The following ACOT1 variants were observed in gnomAD, a reference collection of about 807,000 sequenced individuals.
The protein encoded by ACOT1 is acyl-coenzyme A thioesterase 1.
ACOT1 carries 8 observed loss-of-function variants against 15.7 expected under a neutral mutation model. The ratio of observed to expected loss-of-function variants is 0.51; its 90% CI spans 0.30 to 0.92. ACOT1 has a LOEUF of 0.92. ACOT1 is among the 40% of genes least tolerant of loss of function. The pLI is 0.06. For missense variants in ACOT1, 151 were observed against 539.4 expected, an observed-to-expected ratio of 0.28 and a Z score of 7.13; for synonymous variants, 67 against 241.2, an observed-to-expected ratio of 0.28 and a Z score of 6.69.
At chr14:73,509,441 G>A in the ACOT1 span, 1 of 1,614,096 alleles carries the variant, frequency 6.2e-7, no homozygotes, top group Non-Finnish European at 8.5e-7. Flanking sequence ...AGGGCAGGCA[G>A]TAGAACCTCC....
the ACOT1 span, chr14:73,528,998 T>C: frequency 6.6e-6 from 1 of 152,132 alleles, no homozygotes; most frequent in African/African-American, 2.4e-5. Context: ...TTCCAACAAA[T>C]AGCCCTCTAG....
the ACOT1 span, chr14:73,522,682 G>C: frequency 6.2e-7 from 1 of 1,614,248 alleles, no homozygotes. Context: ...GTGCTTCCCG[G>C]ACGGTGCTGG....
chr14:73,537,928 C>T, intron 1 of ACOT1, 50 bp downstream of exon 1: 1 of 1,136,608 alleles, frequency 8.8e-7, no homozygotes, highest in South Asian at 1.7e-5. Context: ...TGTTCCTGCG[C>T]TTTCCACTGT....
chr14:73,511,556 TAAATA>T, the ACOT1 span, among the ~76,000 whole-genome samples: 1 of 98,028 alleles, frequency 1.0e-5, no homozygotes, highest in Non-Finnish European at 2.3e-5. Context: ...AATAAATAAA[TAAATA>T]AATAAAATAA....
rs1213214962 is a variant in ACOT1, at chr14:73,542,284, C to T, written c.660+589C>T. ...GAGTGCTGGAATTACAGGCATGAGC[C>T]ACCACACCTGGCCTCTTATAGACAG... On this transcript the variant is annotated intron_variant, in intron 2 of 2. Transcript: ENST00000311148. Among the ~76,000 whole-genome samples, 2 of 111,136 alleles carry T rather than the reference C, an allele frequency of 1.8e-5. 1 individual carries two copies. Among genetic ancestry groups the T allele is most frequent in the Non-Finnish European group, 3.8e-5 (2 of 52,000 alleles). 72.9% of individuals were successfully genotyped at this position (111,136 alleles called of 152,430 possible). A position where few individuals can be genotyped will look rare whatever the true frequency, so the allele number is the denominator to read the frequency against.
chr14:73,523,721 C>T, the ACOT1 span, among the ~76,000 whole-genome samples: 4 of 152,262 alleles, frequency 2.6e-5, no homozygotes, highest in Admixed American at 1.3e-4. Flanking sequence ...AATGGCCTTT[C>T]GTACTTGACA....
chr14:73,500,186 C>T, the ACOT1 span, among the ~76,000 whole-genome samples: 2 of 151,848 alleles, frequency 1.3e-5, no homozygotes, highest in African/African-American at 2.4e-5. Flanking sequence ...GCCGAGATGG[C>T]GCCACTGCAC....
chr14:73,511,255 G>A, the ACOT1 span, among the ~76,000 whole-genome samples: 22 of 152,248 alleles, frequency 1.4e-4, no homozygotes, highest in Admixed American at 1.3e-3. Flanking sequence ...GCTCATGCCT[G>A]TAATCCCAGC....
the ACOT1 span, chr14:73,522,981 G>A: frequency 8.1e-6 from 13 of 1,614,124 alleles, no homozygotes; most frequent in Non-Finnish European, 1.0e-5. Flanking sequence ...CTCTTGCGGT[G>A]TAGACGGTAC....
the ACOT1 span, chr14:73,522,383 T>G: frequency 6.2e-7 from 1 of 1,614,242 alleles, no homozygotes; most frequent in Non-Finnish European, 8.5e-7. Flanking sequence ...TTTCAGGAGC[T>G]CCAGGTCACT....
At chr14:73,491,561 G>T in the ACOT1 span, 2 of 1,540,004 alleles carry the variant, frequency 1.3e-6, no homozygotes, top group Non-Finnish European at 8.7e-7. Context: ...GCCGGCCTGG[G>T]ACTCCCCGCT....
the ACOT1 span, chr14:73,518,968 A>T: frequency 6.4e-7 from 1 of 1,552,996 alleles, no homozygotes; most frequent in Non-Finnish European, 8.7e-7. Context: ...TAATGATGGG[A>T]AGTAGCCACA....
At chr14:73,540,229 C>T (rs982193720) in intron 1 of ACOT1, among the ~76,000 whole-genome samples, 3 of 151,292 alleles carry the variant, frequency 2.0e-5, no homozygotes, top group Non-Finnish European at 3.0e-5. Context: ...TGTACATGTG[C>T]ACCAGGAGGC....
chr14:73,514,574 CATA>C, the ACOT1 span, among the ~76,000 whole-genome samples: 1 of 152,082 alleles, frequency 6.6e-6, no homozygotes, highest in Non-Finnish European at 1.5e-5. Context: ...GAGATTTGCT[CATA>C]ATATTTGATA....
the ACOT1 span, chr14:73,498,239 A>T: frequency 1.9e-6 from 3 of 1,614,104 alleles, no homozygotes; most frequent in South Asian, 1.1e-5. Context: ...CAGGGCTAGG[A>T]TGCTACGGCA....
At chr14:73,495,062 A>AAAC in the ACOT1 span, among the ~76,000 whole-genome samples, 1 of 19,018 alleles carries the variant, frequency 5.3e-5, no homozygotes, top group African/African-American at 2.0e-4. Flanking sequence ...ACAAACAAAC[A>AAAC]AAAAAAAAAC....
chr14:73,521,118 T>C, the ACOT1 span: 2 of 1,240,608 alleles, frequency 1.6e-6, no homozygotes, highest in Non-Finnish European at 2.3e-6. Context: ...CCACAGCTCG[T>C]TCCCTTTCCT....
chr14:73,506,804 G>GTTTGTTT, the ACOT1 span, among the ~76,000 whole-genome samples: 4 of 80,522 alleles, frequency 5.0e-5, no homozygotes, highest in Non-Finnish European at 9.0e-5. Context: ...GACTTTAACT[G>GTTTGTTT]TTTTTTTTTT....
chr14:73,513,483 G>A, the ACOT1 span, among the ~76,000 whole-genome samples: 15 of 147,120 alleles, frequency 1.0e-4, no homozygotes, highest in African/African-American at 3.8e-4. Flanking sequence ...AAGGGCTGGC[G>A]CGGTGGCCAA....
Sources: allele counts gnomAD v4.1 joint callset (sites outside exome capture counted in the v4.1 genomes callset), GRCh38; gene constraint gnomAD v4.1.1; transcripts MANE v1.5; gene names NCBI Gene and HGNC (gene_info 2026-07-23, HGNC 2026-07-21).